The following DNAH14 variants were observed in gnomAD, a reference collection of about 807,000 sequenced individuals.
DNAH14 encodes the protein dynein axonemal heavy chain 14.
In DNAH14, 478 loss-of-function variants were observed where a neutral mutation model predicts 520.9. The observed-to-expected ratio is 0.92, with a 90% CI of 0.85 to 0.99. The LOEUF (loss-of-function observed/expected upper bound fraction) is 0.99. Among genes scored for constraint, DNAH14 ranks in the 50% least tolerant of loss-of-function variants. DNAH14 has a pLI of 0.00. For missense variants in DNAH14, 4,831 were observed against 5,234.5 expected (o/e 0.92, Z 2.38); for synonymous variants, 1,581 against 1,757.2 (o/e 0.90, Z 2.51).
rs546072434 is a variant in DNAH14, at chr1:225,117,278, G to T, written c.3868-406G>T. Among the ~76,000 whole-genome samples, 3 of 151,968 alleles carry T rather than the reference G, an allele frequency of 2.0e-5. No individual in the cohort carries two copies. In the South Asian group the frequency reaches 6.2e-4, roughly 32 times the overall value. ...CTATAAAGTGATAACCACACCTATA[G>T]GGAAATAAGAGCAGAAAGTCAGAAG... is the stretch of plus-strand genomic sequence containing the variant. On this transcript the variant is annotated intron_variant, in intron 23 of 85. Coordinates refer to ENST00000682510, the MANE Select transcript of DNAH14 (RefSeq NM_001367479.1).
chr1:225,117,576 A>G, intron 23 of DNAH14, 108 bp from the exon 24 acceptor site: 1 of 663,860 alleles, frequency 1.5e-6, no homozygotes, highest in Non-Finnish European at 2.5e-6. Flanking sequence ...TATATATACC[A>G]TAACTAATAT....
At position 225,259,018 on chromosome 1, in the gene DNAH14, A is replaced by G. The variant is rs527371993; in HGVS notation, c.7025-103A>G. Reference sequence around the variant, plus strand: ...AGGGAAGAACAAAAAAACACTTTTTATGCAATTTTCAATTGAGGGAGAATG... The same window carrying G: ...AGGGAAGAACAAAAAAACACTTTTTGTGCAATTTTCAATTGAGGGAGAATG... On this transcript the variant is annotated intron_variant, in intron 45 of 85. Coordinates refer to ENST00000682510, the MANE Select transcript of DNAH14 (RefSeq NM_001367479.1). 60 of 1,239,602 alleles carry G rather than the reference A, an allele frequency of 4.8e-5. No homozygotes were observed. The South Asian group carries it at 9.9e-4, about 20-fold the overall frequency. The allele number at this position is 1,239,602 out of a possible 1,614,324, so 76.8% of individuals were successfully genotyped here.
At chr1:224,946,884 T>C (rs1202042659) in intron 1 of DNAH14, among the ~76,000 whole-genome samples, 1 of 151,090 alleles carries the variant, frequency 6.6e-6, no homozygotes, top group African/African-American at 2.4e-5. Flanking sequence ...TGATTTGATA[T>C]GTTACTTGTT....
chr1:225,303,193 G>A lies in DNAH14; in HGVS notation c.8669G>A (p.Ser2890Asn), dbSNP rs749020276. 3 of 1,524,656 alleles carry A rather than the reference G, an allele frequency of 2.0e-6. No homozygotes were observed. The South Asian group carries it at 3.9e-5, about 20-fold the overall frequency. 94.4% of individuals were successfully genotyped at this position (1,524,656 alleles called of 1,614,324 possible). A position where few individuals can be genotyped will look rare whatever the true frequency, so the allele number is the denominator to read the frequency against. Reference protein sequence around the residue: ...YKNLHIFVIMSPEGPSFRQNC... With the variant: ...YKNLHIFVIMNPEGPSFRQNC... ...AATCTTCATATTTTTGTGATCATGA[G>A]TCCTGAAGGACCTAGCTTCCGCCAA... is the stretch of plus-strand genomic sequence containing the variant. The change falls in exon 57 of 86, where the codon AGT (serine) becomes AAT (asparagine). Residue 2890 changes from serine to asparagine, a missense_variant. Ser to Asn is a conservative substitution (Grantham distance 46). Coordinates refer to ENST00000682510, the MANE Select transcript of DNAH14 (RefSeq NM_001367479.1).
At chr1:225,302,519 G>A (rs781324220) in intron 56 of DNAH14, among the ~76,000 whole-genome samples, 12 of 152,096 alleles carry the variant, frequency 7.9e-5, no homozygotes, top group African/African-American at 1.9e-4. Context: ...TCAGTAATGC[G>A]GACTTATTGC....
In DNAH14 at chr1:224,991,084, C is replaced by CCT. The variant is rs1558617220; in HGVS notation, c.831-11699_831-11698insCT. ...TTCCCTAATGATTAGTGATGTTGAG[C>CCT]TTTTTTTTTTTTTTTTTTTTTTTTT... On this transcript the variant is annotated intron_variant, in intron 8 of 85. Coordinates refer to ENST00000682510, the MANE Select transcript of DNAH14 (RefSeq NM_001367479.1). Among the ~76,000 whole-genome samples the CCT allele has an allele frequency of 1.2e-3, 96 of 77,904 alleles. 1 individual carries two copies. The highest frequency in any genetic ancestry group is 2.2e-3 in the Non-Finnish European group (80 of 36,034). 51.1% of individuals were successfully genotyped at this position (77,904 alleles called of 152,430 possible).
chr1:225,288,605 T>G (rs1185072142), intron 54 of DNAH14, among the ~76,000 whole-genome samples: 1 of 152,182 alleles, frequency 6.6e-6, no homozygotes, highest in Non-Finnish European at 1.5e-5. Flanking sequence ...GCAATTTTTC[T>G]GTGAGTCTAA....
In DNAH14 at chr1:225,300,957, T is replaced by A. The variant is rs1320578437; in HGVS notation, c.8558T>A (p.Met2853Lys). The A allele has an allele frequency of 2.6e-6, 4 of 1,551,466 alleles. No homozygotes were observed. The highest frequency in any genetic ancestry group is 2.6e-6 in the Non-Finnish European group (3 of 1,146,868). The change falls in exon 56 of 86, where the codon ATG becomes AAG. Residue 2853 changes from methionine (M) to lysine (K), a missense_variant. Coordinates refer to ENST00000682510, the MANE Select transcript of DNAH14 (RefSeq NM_001367479.1). ...AATGTTGAGCTGGATTCTATTGCAA[T>A]GAAAATCAGATATCTTACTGAACAA... is the stretch of plus-strand genomic sequence containing the variant. ...FENVELDSIA[M>K]KIRYLTEQSG...
At chr1:225,354,763 T>A (rs1159626001) in intron 73 of DNAH14, among the ~76,000 whole-genome samples, 1 of 152,178 alleles carries the variant, frequency 6.6e-6, no homozygotes, top group African/African-American at 2.4e-5. Context: ...CCTAATTTAG[T>A]GAAGGGAAAA....
Position 224,955,054 on chromosome 1 carries a change from CAGTT to C in DNAH14, c.176_179del (p.Val59GlufsTer7), listed in dbSNP as rs748729159. 3.2e-5 allele frequency: 52 copies of C among 1,611,114 alleles called. No individual in the cohort carries two copies. In the East Asian group the frequency reaches 6.7e-4, roughly 21 times the overall value. On this transcript the variant is annotated frameshift_variant, in exon 3 of 86. Transcript: ENST00000682510. LOFTEE classifies it high-confidence loss of function. ...GAAAAGGAAACATTGGAATATAAAA[CAGTT>C]AGAACATTCTCTGAATCTTTGAAGT...
chr1:225,037,874 G>T (rs1243294076), intron 11 of DNAH14, among the ~76,000 whole-genome samples: 2 of 152,072 alleles, frequency 1.3e-5, no homozygotes, highest in Non-Finnish European at 2.9e-5. Context: ...TAGAGACAGG[G>T]TTTCTCCATG....
chr1:225,271,428 A>G (rs1438501034), intron 50 of DNAH14, among the ~76,000 whole-genome samples: 1 of 152,164 alleles, frequency 6.6e-6, no homozygotes, highest in Admixed American at 6.5e-5. Context: ...GAATTTCCTA[A>G]TCTTGCTTAA....
rs2061261101 is a variant in DNAH14, at chr1:224,967,545, A to G, written c.613A>G (p.Lys205Glu). The change falls in exon 6 of 86, where the codon AAA (lysine) becomes GAA (glutamate). Residue 205 changes from lysine to glutamate, a missense_variant. Physicochemically the swap from Lys to Glu is moderately conservative, Grantham distance 56. Coordinates refer to ENST00000682510, the MANE Select transcript of DNAH14 (RefSeq NM_001367479.1). ...VVSAHTAKHC[K>E]EFWVITASFI... The stretch of plus-strand genomic sequence containing the variant: ...ATCGGCTCATACTGCTAAACATTGC[A>G]AAGAATTTTGGGTTATTACTGCTTC... 1.9e-6 allele frequency: 3 copies of G among 1,604,154 alleles called. No homozygotes were observed. Among genetic ancestry groups the G allele is most frequent in the Non-Finnish European group, 2.6e-6 (3 of 1,176,268 alleles).
intron 17 of DNAH14, among the ~76,000 whole-genome samples, chr1:225,072,435 C>A (rs1033273126): frequency 1.3e-5 from 2 of 152,132 alleles, no homozygotes; most frequent in African/African-American, 4.8e-5. Context: ...TCAGCTCCTG[C>A]AATGTTTTAA....
At chr1:225,362,342 AG>A (rs2095501829) in intron 75 of DNAH14, among the ~76,000 whole-genome samples, 1 of 152,228 alleles carries the variant, frequency 6.6e-6, no homozygotes, top group Non-Finnish European at 1.5e-5. Context: ...TGGGAGGCCA[AG>A]GCAGGCAGAT....
At chr1:225,204,598 T>C in intron 39 of DNAH14, among the ~76,000 whole-genome samples, 1 of 152,212 alleles carries the variant, frequency 6.6e-6, no homozygotes, top group East Asian at 1.9e-4. Context: ...CCACTGATAT[T>C]GCCTCTGAAA....
chr1:225,346,847 T>C (rs772861452), intron 71 of DNAH14, among the ~76,000 whole-genome samples, 193 bp downstream of exon 71: 1 of 152,168 alleles, frequency 6.6e-6, no homozygotes, highest in Non-Finnish European at 1.5e-5. Context: ...ATGATTATTA[T>C]AATCCTAACC....
chr1:225,394,620 C>G (rs1238879013), intron 84 of DNAH14, among the ~76,000 whole-genome samples: 1 of 152,008 alleles, frequency 6.6e-6, no homozygotes, highest in Non-Finnish European at 1.5e-5. Flanking sequence ...AGGTGGGCAG[C>G]TCACCTGAGA....
chr1:225,049,253 G>T (rs1027017762), intron 15 of DNAH14, among the ~76,000 whole-genome samples: 1 of 151,412 alleles, frequency 6.6e-6, no homozygotes, highest in Non-Finnish European at 1.5e-5. Context: ...AGTAGAGACG[G>T]GGTTTCACCA....
Sources: allele counts gnomAD v4.1 joint callset (sites outside exome capture counted in the v4.1 genomes callset), GRCh38; gene constraint gnomAD v4.1.1; transcripts MANE v1.5; gene names NCBI Gene and HGNC (gene_info 2026-07-23, HGNC 2026-07-21).